Variants in MYEF2 observed in about 807,000 individuals in gnomAD.
MYEF2 encodes myelin gene expression factor 2.
Under a neutral mutation model 75.2 loss-of-function variants are expected in MYEF2, and 37 were observed. The observed-to-expected ratio is 0.49, with a 90% CI of 0.38 to 0.65. The LOEUF is 0.65. Among genes scored for constraint, MYEF2 ranks in the 30% least tolerant of loss-of-function variants. The pLI, the probability that MYEF2 is intolerant of heterozygous loss-of-function variation, is 0.00. For missense variants in MYEF2, 634 were observed against 771.4 expected (o/e 0.82, Z 2.11); for synonymous variants, 195 against 241.6 (o/e 0.81, Z 1.79).
In MYEF2 at chr15:48,159,823, G is replaced by A; in HGVS notation, c.526-19C>T. 6.3e-7 allele frequency: 1 copy of A among 1,597,382 alleles called. No homozygotes were observed. Among genetic ancestry groups the A allele is most frequent in the Non-Finnish European group, 8.5e-7 (1 of 1,172,256 alleles). ...CAGGATCCTATAACACACATTGAAT[G>A]TTAAATTCCACTAAATACATCACTA... On this transcript the variant is annotated intron_variant, in intron 5 of 16. Coordinates refer to ENST00000324324, the MANE Select transcript of MYEF2 (RefSeq NM_016132.5).
At chr15:48,152,141 C>G (rs2039514196) in intron 11 of MYEF2, 93 bp downstream of exon 11, 1 of 1,336,020 alleles carries the variant, frequency 7.5e-7, no homozygotes, top group Non-Finnish European at 1.1e-6. Context: ...CAACAATAAA[C>G]CATGACTTTT....
intron 4 of MYEF2, 22 bp from the exon 5 acceptor site, chr15:48,166,048 A>G: frequency 6.4e-7 from 1 of 1,569,798 alleles, no homozygotes; most frequent in Admixed American, 1.9e-5. Flanking sequence ...AAAAATTTAT[A>G]GGAAATGTTT....
At chr15:48,148,455 T>C (rs1206450007) in intron 16 of MYEF2, among the ~76,000 whole-genome samples, 1 of 152,010 alleles carries the variant, frequency 6.6e-6, no homozygotes, top group Non-Finnish European at 1.5e-5. Context: ...AAGAACAGTT[T>C]ATAAAAGAAT....
At chr15:48,148,587 A>T (rs1004401487) in intron 16 of MYEF2, among the ~76,000 whole-genome samples, 1 of 151,832 alleles carries the variant, frequency 6.6e-6, no homozygotes, top group South Asian at 2.1e-4. Flanking sequence ...TCACCTATTA[A>T]CTCCTTTATC....
intron 16 of MYEF2, among the ~76,000 whole-genome samples, chr15:48,147,065 T>G (rs1381729591): frequency 6.6e-6 from 1 of 151,860 alleles, no homozygotes; most frequent in African/African-American, 2.4e-5. Flanking sequence ...ATAATTATAA[T>G]CGAAAAAGGA....
At chr15:48,157,834 A>G in intron 9 of MYEF2, 159 bp downstream of exon 9, 1 of 1,384,746 alleles carries the variant, frequency 7.2e-7, no homozygotes. Context: ...TTATCTTCTC[A>G]GTCTTCCTAA....
intron 1 of MYEF2, among the ~76,000 whole-genome samples, chr15:48,174,772 C>T (rs962722318): frequency 1.3e-5 from 2 of 151,916 alleles, no homozygotes; most frequent in Non-Finnish European, 2.9e-5. Flanking sequence ...GATGACTTAT[C>T]GAAAAGTCAA....
chr15:48,156,074 G>A (rs182335968), intron 9 of MYEF2, among the ~76,000 whole-genome samples: 4 of 152,024 alleles, frequency 2.6e-5, no homozygotes, highest in East Asian at 1.9e-4. Context: ...CACCATGCCC[G>A]GCCCATAATG....
rs761905804 is a variant in MYEF2 at position 48,151,976 on chromosome 15, G to A, written c.1139-34C>T. 6 of 1,591,998 alleles carry A rather than the reference G, an allele frequency of 3.8e-6. No individual in the cohort carries two copies. The South Asian group carries it at 6.6e-5, about 18-fold the overall frequency. Reference sequence around the variant, plus strand: ...TAAAGATTAATTTTGAGATCCAACTGTCAGTCATGTAGCTGAAAGGTACGT... The same window carrying A: ...TAAAGATTAATTTTGAGATCCAACTATCAGTCATGTAGCTGAAAGGTACGT... On this transcript the variant is annotated intron_variant, in intron 11 of 16. Transcript: ENST00000324324.
intron 6 of MYEF2, among the ~76,000 whole-genome samples, 196 bp from the exon 7 acceptor site, chr15:48,159,118 CTTAT>C (rs2039831209): frequency 6.6e-6 from 1 of 151,966 alleles, no homozygotes; most frequent in Non-Finnish European, 1.5e-5. Flanking sequence ...GTTCCTTATC[CTTAT>C]TTTTTTTAAT....
At chr15:48,153,490 A>G (rs890691794) in intron 10 of MYEF2, 3 of 180,096 alleles carry the variant, frequency 1.7e-5, no homozygotes, top group Non-Finnish European at 3.5e-5. Flanking sequence ...CATTTCAGCT[A>G]CTCCATAAAT....
In MYEF2 at chr15:48,178,240, C is replaced by G; in HGVS notation, c.-3G>C. 1 of 1,389,638 alleles carries G rather than the reference C, an allele frequency of 7.2e-7. No homozygotes were observed. Among genetic ancestry groups the G allele is most frequent in the South Asian group, 1.7e-5 (1 of 57,308 alleles). The allele number at this position is 1,389,638 out of a possible 1,614,324, so 86.1% of individuals were successfully genotyped here. On this transcript the variant is annotated 5_prime_UTR_variant, in exon 1 of 17. Transcript: ENST00000324324. Reference sequence around the variant, plus strand: ...TCGGCCTTGTTGGCGTCCGCCATCCCGCCGCCGCTGCCTCCGCCTCGGCCG... The same window carrying G: ...TCGGCCTTGTTGGCGTCCGCCATCCGGCCGCCGCTGCCTCCGCCTCGGCCG...
intron 7 of MYEF2, 131 bp from the exon 8 acceptor site, chr15:48,158,355 A>G: frequency 2.6e-6 from 2 of 760,902 alleles, no homozygotes; most frequent in South Asian, 2.0e-5. Flanking sequence ...TATTGATATT[A>G]GCCACTTTCA....
chr15:48,175,215 T>C (rs895661491), intron 1 of MYEF2, among the ~76,000 whole-genome samples: 1 of 151,952 alleles, frequency 6.6e-6, no homozygotes, highest in African/African-American at 2.4e-5. Context: ...AAAGCCAGAC[T>C]CAGAAAGACA....
At chr15:48,153,303 C>G (rs2039566403) in intron 10 of MYEF2, 2 of 151,922 alleles carry the variant, frequency 1.3e-5, no homozygotes, top group Admixed American at 1.3e-4. Context: ...ACTACATAAA[C>G]AAAGCATTTT....
intron 5 of MYEF2, chr15:48,162,959 T>C (rs1567264996): frequency 6.6e-6 from 1 of 152,090 alleles, no homozygotes; most frequent in Non-Finnish European, 1.5e-5. Context: ...TTCTAAGTGT[T>C]CAAGTAAAAG....
chr15:48,141,013 C>A lies in MYEF2; in HGVS notation c.*1895G>T. 2.3e-6 allele frequency: 2 copies of A among 888,408 alleles called. No individual in the cohort carries two copies. Among genetic ancestry groups the A allele is most frequent in the Non-Finnish European group, 3.6e-6 (2 of 562,502 alleles). The allele number at this position is 888,408 out of a possible 1,614,324, so 55.0% of individuals were successfully genotyped here. ...ATATTGGCTCTGAATTCTAAATGTG[C>A]CTATTTTATTTTTGTTCACGAAGGA... is the stretch of plus-strand genomic sequence containing the variant. On this transcript the variant is annotated 3_prime_UTR_variant, in exon 17 of 17. Transcript: ENST00000324324.
chr15:48,158,343 C>G (rs1395074470), intron 7 of MYEF2, 119 bp from the exon 8 acceptor site: 1 of 882,458 alleles, frequency 1.1e-6, no homozygotes, highest in Admixed American at 2.6e-5. Context: ...ATCTTTAATA[C>G]TTATTGATAT....
intron 7 of MYEF2, 76 bp from the exon 8 acceptor site, chr15:48,158,300 C>T: frequency 7.3e-7 from 1 of 1,364,414 alleles, no homozygotes; most frequent in Non-Finnish European, 1.0e-6. Flanking sequence ...TTTTAATAAT[C>T]TTAGAGTCCA....
Sources: gnomAD v4.1 joint callset for allele counts (sites outside exome capture counted in the v4.1 genomes callset) on GRCh38, gnomAD v4.1.1 for gene constraint, MANE v1.5 for transcripts, NCBI Gene and HGNC (gene_info 2026-07-23, HGNC 2026-07-21) for gene names.